The following PDE4D variants were observed in gnomAD, a reference collection of about 807,000 sequenced individuals.
PDE4D encodes 3',5'-cyclic-AMP phosphodiesterase 4D.
A neutral mutation model predicts 87.4 loss-of-function variants in PDE4D; 24 were observed. That is an observed-to-expected ratio of 0.27 (90% CI 0.20 to 0.39). PDE4D has a LOEUF of 0.39. Among genes scored for constraint, PDE4D ranks in the 10% least tolerant of loss-of-function variants. The pLI, the probability that PDE4D is intolerant of heterozygous loss-of-function variation, is 1.00. For synonymous variants in PDE4D, 384 were observed against 383.2 expected (o/e 1.00, Z -0.02); for missense variants, 714 against 1,041.0 (o/e 0.69, Z 4.32).
At chr5:60,398,430 C>T (rs1409279490) in intron 1 of PDE4D, among the ~76,000 whole-genome samples, 1 of 152,202 alleles carries the variant, frequency 6.6e-6, no homozygotes, top group African/African-American at 2.4e-5. Context: ...CATTGATGGA[C>T]ACTGCCTGAG....
intron 2 of PDE4D, among the ~76,000 whole-genome samples, chr5:60,140,451 G>A (rs1780426261): frequency 6.6e-6 from 1 of 151,398 alleles, no homozygotes; most frequent in African/African-American, 2.4e-5. Flanking sequence ...TCAGTTTTCT[G>A]GTTTCTAATT....
At chr5:59,521,157 G>A (rs1812168796) in intron 1 of PDE4D, among the ~76,000 whole-genome samples, 1 of 151,864 alleles carries the variant, frequency 6.6e-6, no homozygotes. Flanking sequence ...ATGGAAAACT[G>A]AGGCAGGACT....
At chr5:60,299,844 T>C (rs1201249172) in intron 1 of PDE4D, among the ~76,000 whole-genome samples, 2 of 152,192 alleles carry the variant, frequency 1.3e-5, no homozygotes, top group African/African-American at 4.8e-5. Context: ...CTTTTGTAAA[T>C]AGTGCTGTGA....
rs78313249 is a variant in PDE4D at position 59,159,024 on chromosome 5, A to T, written c.808+21571T>A. Among the ~76,000 whole-genome samples the T allele has an allele frequency of 1.4e-3, 207 of 152,326 alleles. 1 individual carries two copies. The highest frequency in any genetic ancestry group is 4.6e-3 in the African/African-American group (190 of 41,576). Reference sequence around the variant, plus strand: ...CAGAAAGTGTGACTATGGCACATTAAACTAAAGCATCTAAAGAGTGTTCAA... The same window carrying T: ...CAGAAAGTGTGACTATGGCACATTATACTAAAGCATCTAAAGAGTGTTCAA... On this transcript the variant is annotated intron_variant, in intron 5 of 14. Coordinates refer to ENST00000340635, the MANE Select transcript of PDE4D (RefSeq NM_001104631.2).
intron 1 of PDE4D, among the ~76,000 whole-genome samples, chr5:59,395,374 C>T (rs188033918): frequency 0.017 from 2,659 of 152,290 alleles, 40 homozygotes; most frequent in Non-Finnish European, 0.027. Context: ...TCTCCCAGCA[C>T]GCAGCTGGAG....
chr5:59,688,600 T>G (rs1297286391), intron 1 of PDE4D, among the ~76,000 whole-genome samples: 11 of 151,890 alleles, frequency 7.2e-5, no homozygotes, highest in African/African-American at 2.2e-4. Context: ...AGCACTAAAT[T>G]CCCACAAGAG....
At chr5:59,740,733 C>T (rs574487361) in intron 1 of PDE4D, among the ~76,000 whole-genome samples, 1 of 152,238 alleles carries the variant, frequency 6.6e-6, no homozygotes, top group South Asian at 2.1e-4. Flanking sequence ...CAGCACTTTG[C>T]ACTGAAGAGG....
chr5:59,300,872 C>A (rs1770100676), intron 1 of PDE4D, among the ~76,000 whole-genome samples: 1 of 152,186 alleles, frequency 6.6e-6, no homozygotes, highest in South Asian at 2.1e-4. Flanking sequence ...TACTCATAAT[C>A]CTCTCTTTGG....
At chr5:60,459,867 C>A (rs1192284301) in intron 1 of PDE4D, 2 of 622,872 alleles carry the variant, frequency 3.2e-6, no homozygotes, top group East Asian at 2.8e-5. Flanking sequence ...TTCCTTCATC[C>A]TTCTCTCCTT....
At chr5:59,305,185 G>A (rs1432210749) in intron 1 of PDE4D, among the ~76,000 whole-genome samples, 1 of 152,060 alleles carries the variant, frequency 6.6e-6, no homozygotes, top group Non-Finnish European at 1.5e-5. Context: ...GTGCATAAAG[G>A]TGTTCATAGT....
chr5:60,041,906 A>AT (rs67016280), intron 2 of PDE4D, among the ~76,000 whole-genome samples: 75,534 of 147,122 alleles, frequency 0.51, 19,630 homozygotes, highest in East Asian at 0.82. Context: ...TAGCTGCAGG[A>AT]TTTTTTTTTT....
chr5:59,565,399 G>C (rs1408852887), intron 1 of PDE4D, among the ~76,000 whole-genome samples: 2 of 152,070 alleles, frequency 1.3e-5, no homozygotes, highest in Non-Finnish European at 2.9e-5. Context: ...TGCACCTGTA[G>C]TCCCACCTAC....
chr5:59,441,030 C>G (rs1474485417), intron 1 of PDE4D, among the ~76,000 whole-genome samples: 1 of 152,154 alleles, frequency 6.6e-6, no homozygotes, highest in Admixed American at 6.6e-5. Flanking sequence ...TTCTTTGTAT[C>G]AAACTAAATT....
chr5:60,256,315 G>A (rs541826013), intron 1 of PDE4D, among the ~76,000 whole-genome samples: 31 of 151,962 alleles, frequency 2.0e-4, no homozygotes, highest in African/African-American at 7.5e-4. Flanking sequence ...TTTAAGCATG[G>A]CCTCATCAGA....
intron 2 of PDE4D, among the ~76,000 whole-genome samples, chr5:59,200,075 G>A (rs1481920921): frequency 2.6e-5 from 2 of 77,358 alleles, no homozygotes; most frequent in East Asian, 3.5e-4. Context: ...ACACACGTAT[G>A]CACACATACA....
At chr5:59,846,325 C>T (rs2152712790) in intron 1 of PDE4D, among the ~76,000 whole-genome samples, 1 of 152,126 alleles carries the variant, frequency 6.6e-6, no homozygotes, top group East Asian at 1.9e-4. Flanking sequence ...CATCAGTTCC[C>T]TCTAATTGGG....
intron 1 of PDE4D, among the ~76,000 whole-genome samples, chr5:59,605,235 A>G (rs1828030704): frequency 2.0e-5 from 3 of 152,156 alleles, no homozygotes; most frequent in Admixed American, 1.3e-4. Context: ...AGGTGAAAAT[A>G]AGTATTCAAT....
At chr5:60,157,772 G>A (rs1490995865) in intron 2 of PDE4D, among the ~76,000 whole-genome samples, 1 of 152,082 alleles carries the variant, frequency 6.6e-6, no homozygotes, top group African/African-American at 2.4e-5. Context: ...CTACATCACT[G>A]CTCCCAACTC....
At chr5:59,262,194 C>T (rs751717178) in intron 1 of PDE4D, among the ~76,000 whole-genome samples, 1 of 151,840 alleles carries the variant, frequency 6.6e-6, no homozygotes, top group Non-Finnish European at 1.5e-5. Context: ...TATATTTCAC[C>T]ATTGTCTCTC....
Sources: allele counts gnomAD v4.1 joint callset (sites outside exome capture counted in the v4.1 genomes callset), GRCh38; gene constraint gnomAD v4.1.1; transcripts MANE v1.5; gene names NCBI Gene and HGNC (gene_info 2026-07-23, HGNC 2026-07-21).